THSD4: variants seen among roughly 807,000 people sequenced by gnomAD.
THSD4 encodes thrombospondin type-1 domain-containing protein 4.
Under a neutral mutation model 119.0 loss-of-function variants are expected in THSD4, and 69 were observed. The observed-to-expected ratio is 0.58, with a 90% CI of 0.48 to 0.71. THSD4 has a LOEUF of 0.71. Among genes scored for constraint, THSD4 ranks in the 30% least tolerant of loss-of-function variants. The pLI, the probability that THSD4 is intolerant of heterozygous loss-of-function variation, is 0.00. For synonymous variants in THSD4, 524 were observed against 540.4 expected (o/e 0.97, Z 0.42); for missense variants, 1,393 against 1,391.1 (o/e 1.00, Z -0.02).
At chr15:71,516,197 G>A (rs1261213330) in intron 7 of THSD4, among the ~76,000 whole-genome samples, 2 of 152,146 alleles carry the variant, frequency 1.3e-5, no homozygotes, top group Admixed American at 1.3e-4. Context: ...AGTGAAGAAA[G>A]AATAAAATAG....
At chr15:71,614,828 G>A (rs1049672433) in intron 7 of THSD4, among the ~76,000 whole-genome samples, 1 of 152,134 alleles carries the variant, frequency 6.6e-6, no homozygotes, top group Non-Finnish European at 1.5e-5. Flanking sequence ...TCTTTTGAAG[G>A]AGAGAGGCAG....
At chr15:71,423,094 C>T (rs547499151) in intron 7 of THSD4, among the ~76,000 whole-genome samples, 45 of 152,242 alleles carry the variant, frequency 3.0e-4, no homozygotes, top group African/African-American at 1.1e-3. Flanking sequence ...CAGTTGGCTC[C>T]CCTCTGGCCC....
chr15:71,468,055 G>A (rs931800354), intron 7 of THSD4, among the ~76,000 whole-genome samples: 4 of 152,022 alleles, frequency 2.6e-5, no homozygotes, highest in Admixed American at 1.3e-4. Flanking sequence ...CATCATGTTG[G>A]CCAGGCTGGT....
intron 6 of THSD4, among the ~76,000 whole-genome samples, chr15:71,273,590 A>C (rs2044558067): frequency 6.6e-6 from 1 of 152,218 alleles, no homozygotes; most frequent in South Asian, 2.1e-4. Context: ...TACGTTAATT[A>C]ACCATATTTT....
chr15:71,735,813 T>TCTCTCTGTCTCTCTTG (rs2053081698), intron 10 of THSD4, among the ~76,000 whole-genome samples: 1 of 150,834 alleles, frequency 6.6e-6, no homozygotes, highest in Non-Finnish European at 1.5e-5. Context: ...TCTGTCTCTA[T>TCTCTCTGTCTCTCTTG]CTCTCTGTCT....
At chr15:71,720,501 T>C (rs1365444600) in intron 8 of THSD4, among the ~76,000 whole-genome samples, 1 of 152,234 alleles carries the variant, frequency 6.6e-6, no homozygotes, top group Non-Finnish European at 1.5e-5. Context: ...CCGTTGGTGA[T>C]AGAGTCACAG....
intron 7 of THSD4, among the ~76,000 whole-genome samples, chr15:71,442,854 A>G (rs966261421): frequency 6.6e-6 from 1 of 150,382 alleles, no homozygotes; most frequent in Non-Finnish European, 1.5e-5. Flanking sequence ...CCTTTGGTAG[A>G]GCAATCTCTG....
At chr15:71,136,003 T>TTG (rs2040548714) in intron 1 of THSD4, among the ~76,000 whole-genome samples, 2 of 145,170 alleles carry the variant, frequency 1.4e-5, no homozygotes, top group African/African-American at 5.1e-5. Context: ...TTTTTTTTTT[T>TTG]TTTTTTTTTT....
chr15:71,290,875 C>CTTTTTTTTTTTTT (rs11438956), intron 6 of THSD4, among the ~76,000 whole-genome samples: 1 of 129,476 alleles, frequency 7.7e-6, no homozygotes, highest in Non-Finnish European at 1.6e-5. Flanking sequence ...TCCTTTTTTC[C>CTTTTTTTTTTTTT]TTTTTTTTTT....
chr15:71,511,282 G>A (rs920028257), intron 7 of THSD4, among the ~76,000 whole-genome samples: 1 of 152,136 alleles, frequency 6.6e-6, no homozygotes, highest in Non-Finnish European at 1.5e-5. Flanking sequence ...GGCAGAGTTT[G>A]GGGATGTCTC....
At chr15:71,426,836 T>C (rs551012142) in intron 7 of THSD4, among the ~76,000 whole-genome samples, 6 of 152,312 alleles carry the variant, frequency 3.9e-5, no homozygotes, top group Admixed American at 6.5e-5. Flanking sequence ...TTGAGTATTA[T>C]ATGTATCTGT....
At chr15:71,626,324 C>T (rs2050509243) in intron 7 of THSD4, among the ~76,000 whole-genome samples, 1 of 152,166 alleles carries the variant, frequency 6.6e-6, no homozygotes, top group Admixed American at 6.5e-5. Flanking sequence ...TATTTCCTTC[C>T]TGTGTGTTAT....
At chr15:71,164,014 T>A (rs1596233916) in intron 3 of THSD4, among the ~76,000 whole-genome samples, 1 of 152,270 alleles carries the variant, frequency 6.6e-6, no homozygotes, top group East Asian at 1.9e-4. Context: ...TGTTTGATTC[T>A]AGTAATCCCA....
In THSD4 at chr15:71,728,664, G is replaced by C. The variant is rs527544680; in HGVS notation, c.1473G>C (p.Ser491=). The C allele has an allele frequency of 1.2e-6, 2 of 1,614,192 alleles. No individual in the cohort carries two copies. Among genetic ancestry groups the C allele is most frequent in the Non-Finnish European group, 1.7e-6 (2 of 1,180,036 alleles). The change falls in exon 9 of 18, where the codon TCG becomes TCC. Residue 491 remains serine, a synonymous_variant. Transcript: ENST00000261862. ...MFTYKRPNEI[S]STAGESFLAE... is the part of the protein sequence containing the mutation. ...CCTACAAGCGTCCAAATGAGATTTCGAGCACTGCCGGAGAGTCCTTTTTGG... is the reference window on the plus strand; with the variant it reads ...CCTACAAGCGTCCAAATGAGATTTCCAGCACTGCCGGAGAGTCCTTTTTGG...
intron 5 of THSD4, among the ~76,000 whole-genome samples, chr15:71,248,011 G>A (rs1306471096): frequency 6.6e-6 from 1 of 152,202 alleles, no homozygotes; most frequent in East Asian, 1.9e-4. Context: ...ATTGGCTCAT[G>A]CCTGTAATCC....
chr15:71,644,280 T>C (rs886919336), intron 7 of THSD4, among the ~76,000 whole-genome samples: 2 of 152,234 alleles, frequency 1.3e-5, no homozygotes, highest in Non-Finnish European at 2.9e-5. Flanking sequence ...TGATTTTCTA[T>C]GATAAGCCTC....
intron 7 of THSD4, among the ~76,000 whole-genome samples, chr15:71,604,353 A>C (rs561782022): frequency 6.6e-6 from 1 of 152,300 alleles, no homozygotes; most frequent in Non-Finnish European, 1.5e-5. Context: ...TAATTTACAG[A>C]TTGTTTTGCC....
intron 2 of THSD4, among the ~76,000 whole-genome samples, chr15:71,147,299 G>C (rs2040672226): frequency 1.3e-5 from 2 of 152,170 alleles, no homozygotes; most frequent in East Asian, 3.9e-4. Context: ...CAAATGCCTG[G>C]GCTCAAACGA....
chr15:71,224,039 C>T (rs1216166105), intron 4 of THSD4, among the ~76,000 whole-genome samples: 1 of 152,016 alleles, frequency 6.6e-6, no homozygotes, highest in Admixed American at 6.6e-5. Flanking sequence ...GAGGGGAAGA[C>T]AACGGAGAAC....
Sources: allele counts gnomAD v4.1 joint callset (sites outside exome capture counted in the v4.1 genomes callset), GRCh38; gene constraint gnomAD v4.1.1; transcripts MANE v1.5; gene names NCBI Gene and HGNC (gene_info 2026-07-23, HGNC 2026-07-21).